MEDAG: variants seen among roughly 807,000 people sequenced by gnomAD.
MEDAG encodes the protein mesenteric estrogen-dependent adipogenesis protein.
Under a neutral mutation model 29.9 loss-of-function variants are expected in MEDAG, and 25 were observed. The observed-to-expected ratio is 0.84, with a 90% CI of 0.61 to 1.17. The LOEUF (loss-of-function observed/expected upper bound fraction) is 1.17, where lower values mean the gene tolerates loss of function less well. MEDAG is among the 50% of genes most tolerant of loss of function. The pLI is 0.00. For missense variants in MEDAG, 398 were observed against 372.9 expected (o/e 1.07, Z -0.56); for synonymous variants, 158 against 148.2 (o/e 1.07, Z -0.48).
intron 1 of MEDAG, among the ~76,000 whole-genome samples, chr13:30,914,007 A>C (rs1593506091): frequency 6.6e-6 from 1 of 152,008 alleles, no homozygotes; most frequent in Non-Finnish European, 1.5e-5. Flanking sequence ...GTGCCAGTGC[A>C]CTACAGCCTG....
At chr13:30,915,583 T>C (rs1952919639) in intron 1 of MEDAG, among the ~76,000 whole-genome samples, 1 of 152,108 alleles carries the variant, frequency 6.6e-6, no homozygotes, top group Non-Finnish European at 1.5e-5. Context: ...CTAGTAACTT[T>C]TGGCAGTTGG....
At position 30,921,759 on chromosome 13, in the gene MEDAG, A is replaced by G. The variant is rs1431795181; in HGVS notation, c.700A>G (p.Thr234Ala). 1.2e-6 allele frequency: 2 copies of G among 1,613,744 alleles called. No homozygotes were observed. Among genetic ancestry groups the G allele is most frequent in the Non-Finnish European group, 1.7e-6 (2 of 1,179,904 alleles). ...LSSTSPEKKE[T>A]IKLFLEKMSE... is the part of the protein sequence containing the mutation. ...AAGTACAAGTCCAGAAAAGAAGGAG[A>G]CGATTAAGTTATTTCTGGAAAAAAT... The change falls in exon 4 of 5, where the codon ACG (threonine) becomes GCG (alanine). Residue 234 changes from threonine (T) to alanine (A), a missense_variant. Thr to Ala is a moderately conservative substitution (Grantham distance 58). Coordinates refer to ENST00000380482, the MANE Select transcript of MEDAG (RefSeq NM_032849.4).
intron 2 of MEDAG, among the ~76,000 whole-genome samples, chr13:30,920,312 A>G (rs1468968229): frequency 6.6e-6 from 1 of 152,194 alleles, no homozygotes; most frequent in Admixed American, 6.5e-5. Flanking sequence ...CCAGCAAGTC[A>G]TGGTGGCTTA....
intron 1 of MEDAG, among the ~76,000 whole-genome samples, chr13:30,915,306 TATG>T (rs1427500939): frequency 6.6e-6 from 1 of 152,218 alleles, no homozygotes. Flanking sequence ...CTGAAATATC[TATG>T]ATATTTGTGC....
rs1293477486 is a variant in MEDAG, at chr13:30,924,424, C to T, written c.901C>T (p.Gln301Ter). The change falls in exon 5 of 5, where the codon CAA becomes TAA. Residue 301 changes from glutamine to a stop codon, truncating the protein, a stop_gained. Coordinates refer to ENST00000380482, the MANE Select transcript of MEDAG (RefSeq NM_032849.4). LOFTEE classifies it high-confidence loss of function. ...SVLESEETPN[Q>*]FI is the part of the protein sequence containing the mutation. ...TCTGGAATCTGAAGAGACACCCAAC[C>T]AATTTATCTGATTGAACTGAACATT... The T allele has an allele frequency of 6.2e-7, 1 of 1,613,874 alleles. No homozygotes were observed. Among genetic ancestry groups the T allele is most frequent in the Non-Finnish European group, 8.5e-7 (1 of 1,179,978 alleles).
chr13:30,907,525 G>A (rs1049196753), intron 1 of MEDAG, among the ~76,000 whole-genome samples: 7 of 152,318 alleles, frequency 4.6e-5, no homozygotes, highest in African/African-American at 9.6e-5. Context: ...TTGGCAGACC[G>A]GCAGGATGTG....
chr13:30,911,875 C>G (rs1952885284), intron 1 of MEDAG, among the ~76,000 whole-genome samples: 1 of 152,156 alleles, frequency 6.6e-6, no homozygotes, highest in African/African-American at 2.4e-5. Context: ...CTGGATTTTT[C>G]ATCATGCCAG....
At chr13:30,907,550 A>G (rs1456571567) in intron 1 of MEDAG, among the ~76,000 whole-genome samples, 2 of 152,198 alleles carry the variant, frequency 1.3e-5, no homozygotes, top group East Asian at 1.9e-4. Context: ...AGCCATCTGA[A>G]GCAGGCTTTG....
At chr13:30,920,228 T>C (rs759403254) in intron 2 of MEDAG, among the ~76,000 whole-genome samples, 13 of 152,178 alleles carry the variant, frequency 8.5e-5, no homozygotes, top group Non-Finnish European at 1.6e-4. Context: ...GGAGCAGCCC[T>C]GTTTCCTGAT....
intron 1 of MEDAG, among the ~76,000 whole-genome samples, chr13:30,909,284 C>T (rs1952859910): frequency 6.6e-6 from 1 of 151,928 alleles, no homozygotes; most frequent in Non-Finnish European, 1.5e-5. Context: ...TTCAGATTTC[C>T]TCGAGGCCAG....
At chr13:30,915,213 C>A (rs1952916449) in intron 1 of MEDAG, among the ~76,000 whole-genome samples, 1 of 152,188 alleles carries the variant, frequency 6.6e-6, no homozygotes, top group Non-Finnish European at 1.5e-5. Context: ...CCTTCCCAAG[C>A]CACTCTTACC....
Position 30,921,021 on chromosome 13 carries a change from G to A in MEDAG, c.396G>A (p.Thr132=), listed in dbSNP as rs41291239. 2.3e-3 allele frequency: 3,648 copies of A among 1,613,278 alleles called. 7 individuals are homozygous for A. The highest frequency in any genetic ancestry group is 2.6e-3 in the Non-Finnish European group (3,049 of 1,179,540). Residue 132 remains threonine, a synonymous_variant, in exon 3 of 5, where the codon ACG becomes ACA. Transcript: ENST00000380482. ...QTKKDTSKER[T]YAFLVNTRHP... ...CTGCTTGCTAATTTCTAGAAAGGAC[G>A]TACGCGTTTCTTGTAAACACGAGGC...
At chr13:30,907,354 T>C (rs1014870668) in intron 1 of MEDAG, among the ~76,000 whole-genome samples, 5 of 152,282 alleles carry the variant, frequency 3.3e-5, no homozygotes, top group Admixed American at 3.3e-4. Context: ...AAACCGCAGC[T>C]GAGAAGGGAA....
At chr13:30,920,855 G>A (rs967128491) in intron 2 of MEDAG, among the ~76,000 whole-genome samples, 159 bp from the exon 3 acceptor site, 6 of 152,158 alleles carry the variant, frequency 3.9e-5, no homozygotes, top group African/African-American at 1.4e-4. Context: ...CTAGAAATCT[G>A]GCGAGGCTTT....
In MEDAG at chr13:30,906,680, C is replaced by G; in HGVS notation, c.165C>G (p.Leu55=). 1 of 1,548,090 alleles carries G rather than the reference C, an allele frequency of 6.5e-7. No individual in the cohort carries two copies. Reference sequence around the variant, plus strand: ...CCTTCCAGCTGAGCGGCGACCAGCTCGTGGTGGCCAGGCCCGGGGAGCCGG... The same window carrying G: ...CCTTCCAGCTGAGCGGCGACCAGCTGGTGGTGGCCAGGCCCGGGGAGCCGG... ...PGAFQLSGDQ[L]VVARPGEPAA... is the part of the protein sequence containing the mutation. Residue 55 remains leucine, a synonymous_variant, in exon 1 of 5, where the codon CTC becomes CTG. Transcript: ENST00000380482.
chr13:30,912,179 C>T (rs1237689160), intron 1 of MEDAG, among the ~76,000 whole-genome samples: 2 of 152,062 alleles, frequency 1.3e-5, no homozygotes, highest in African/African-American at 4.8e-5. Flanking sequence ...AATATGTGTA[C>T]CCTTGAATAA....
intron 2 of MEDAG, among the ~76,000 whole-genome samples, chr13:30,919,702 G>C (rs1489892126): frequency 1.3e-5 from 2 of 152,188 alleles, no homozygotes; most frequent in Non-Finnish European, 2.9e-5. Flanking sequence ...GTGGACCGAA[G>C]GTTTGTCTCT....
In MEDAG at chr13:30,924,373, T is replaced by G. The variant is rs746739528; in HGVS notation, c.850T>G (p.Leu284Val). The G allele has an allele frequency of 1.2e-6, 2 of 1,614,166 alleles. No individual in the cohort carries two copies. Among genetic ancestry groups the G allele is most frequent in the South Asian group, 2.2e-5 (2 of 91,062 alleles). ...CAGATCATCTCTGACAGAGCCTCTT[T>G]TGGCAGAATTACCATTTCCAAGTGT... ...SPRSSLTEPL[L>V]AELPFPSVLE... The change falls in exon 5 of 5, where the codon TTG becomes GTG. Residue 284 changes from leucine (L) to valine (V), a missense_variant. Leu to Val is a conservative substitution (Grantham distance 32). Transcript: ENST00000380482.
Position 30,911,974 on chromosome 13 carries a change from A to G in MEDAG, c.278+5181A>G, listed in dbSNP as rs7332945. ...TCATACCAAAATGGTGTATTTTCTC[A>G]TCTGTCTCCCTAGGAGACTATATGC... On this transcript the variant is annotated intron_variant, in intron 1 of 4. Coordinates refer to ENST00000380482, the MANE Select transcript of MEDAG (RefSeq NM_032849.4). Among the ~76,000 whole-genome samples the G allele has an allele frequency of 4.7e-3, 715 of 152,218 alleles. 5 individuals are homozygous for G. Among genetic ancestry groups the G allele is most frequent in the African/African-American group, 0.016 (658 of 41,530 alleles).
Sources: allele counts gnomAD v4.1 joint callset (sites outside exome capture counted in the v4.1 genomes callset), GRCh38; gene constraint gnomAD v4.1.1; transcripts MANE v1.5; gene names NCBI Gene and HGNC (gene_info 2026-07-23, HGNC 2026-07-21).